The following AASDH variants were observed in gnomAD, a reference collection of about 807,000 sequenced individuals.
The protein encoded by AASDH is beta-alanine-activating enzyme.
A neutral mutation model predicts 102.3 loss-of-function variants in AASDH; 81 were observed. The observed-to-expected ratio is 0.79, with a 90% CI of 0.66 to 0.95. The LOEUF is 0.95. AASDH is among the 40% of genes least tolerant of loss of function. The pLI is 0.00. For missense variants in AASDH, 1,203 were observed against 1,266.2 expected (o/e 0.95, Z 0.76); for synonymous variants, 398 against 454.0 (o/e 0.88, Z 1.57).
At position 56,385,972 on chromosome 4, in the gene AASDH, C is replaced by T. The variant is rs578132403; in HGVS notation, c.-43+1390G>A. The stretch of plus-strand genomic sequence containing the variant: ...TATTCACACCTATTTGAATTGATTT[C>T]CTGACTCAAAATTTTCATTTATATC... On this transcript the variant is annotated intron_variant, in intron 1 of 14. Coordinates refer to ENST00000205214, the MANE Select transcript of AASDH (RefSeq NM_181806.4). 4.6e-5 allele frequency among the ~76,000 whole-genome samples: 7 copies of T among 151,054 alleles called. No homozygotes were observed. In the East Asian group the frequency reaches 1.4e-3, roughly 29 times the overall value.
At chr4:56,356,911 C>A (rs1227811357) in intron 5 of AASDH, 4 of 916,028 alleles carry the variant, frequency 4.4e-6, no homozygotes, top group African/African-American at 1.6e-5. Flanking sequence ...CGCTAAAGAA[C>A]CTGCCACTAA....
intron 14 of AASDH, among the ~76,000 whole-genome samples, chr4:56,340,043 C>T (rs1291443830): frequency 6.6e-6 from 1 of 152,070 alleles, no homozygotes; most frequent in Admixed American, 6.6e-5. Context: ...GTGGTACACA[C>T]CTGTAATCCT....
intron 4 of AASDH, 67 bp downstream of exon 4, chr4:56,378,081 C>T (rs967535347): frequency 3.4e-5 from 49 of 1,455,332 alleles, no homozygotes; most frequent in Non-Finnish European, 4.3e-5. Flanking sequence ...GCTGGGATTA[C>T]AGGCATAAGC....
At chr4:56,362,045 T>A (rs977744144) in intron 5 of AASDH, among the ~76,000 whole-genome samples, 4 of 152,148 alleles carry the variant, frequency 2.6e-5, no homozygotes, top group Non-Finnish European at 5.9e-5. Context: ...AAATAAAAAA[T>A]GTCCAAATAT....
chr4:56,368,334 A>G (rs1751272803), intron 5 of AASDH, among the ~76,000 whole-genome samples: 1 of 152,322 alleles, frequency 6.6e-6, no homozygotes, highest in East Asian at 1.9e-4. Flanking sequence ...ATCTAGAACT[A>G]GAAATTCCAT....
chr4:56,377,101 A>AAAATT (rs200218491), intron 4 of AASDH, among the ~76,000 whole-genome samples: 25,272 of 150,504 alleles, frequency 0.17, 2,531 homozygotes, highest in Admixed American at 0.3. Context: ...AAAATAAAAT[A>AAAATT]AAATTAACTT....
chr4:56,364,755 T>C (rs1750774474), intron 5 of AASDH, among the ~76,000 whole-genome samples: 1 of 152,212 alleles, frequency 6.6e-6, no homozygotes, highest in Non-Finnish European at 1.5e-5. Flanking sequence ...TACCAGCCAC[T>C]GCAAAATCAT....
At chr4:56,350,639 C>A (rs1748893346) in intron 10 of AASDH, among the ~76,000 whole-genome samples, 1 of 151,758 alleles carries the variant, frequency 6.6e-6, no homozygotes, top group Non-Finnish European at 1.5e-5. Context: ...AAAATTGGGA[C>A]AAAAACATCT....
At chr4:56,353,345 G>T in intron 9 of AASDH, 59 bp downstream of exon 9, 2 of 1,335,314 alleles carry the variant, frequency 1.5e-6, no homozygotes, top group South Asian at 1.5e-5. Flanking sequence ...CATTAAGCTA[G>T]TTATGAATAC....
intron 6 of AASDH, 78 bp from the exon 7 acceptor site, chr4:56,354,889 G>A (rs1355803030): frequency 4.2e-6 from 5 of 1,194,674 alleles, no homozygotes; most frequent in Non-Finnish European, 5.8e-6. Context: ...AAATCATACT[G>A]TACCAAATAA....
At chr4:56,376,840 G>T (rs1560612344) in intron 4 of AASDH, among the ~76,000 whole-genome samples, 1 of 151,906 alleles carries the variant, frequency 6.6e-6, no homozygotes, top group Non-Finnish European at 1.5e-5. Context: ...GGCCGAGGCG[G>T]GCGGATCACG....
At chr4:56,385,240 T>C (rs1753415181) in intron 1 of AASDH, among the ~76,000 whole-genome samples, 1 of 152,202 alleles carries the variant, frequency 6.6e-6, no homozygotes. Context: ...CAACTATATA[T>C]AAAAACAGTG....
intron 4 of AASDH, among the ~76,000 whole-genome samples, chr4:56,373,765 G>A (rs960003117): frequency 1.8e-4 from 27 of 152,050 alleles, no homozygotes; most frequent in Non-Finnish European, 2.5e-4. Flanking sequence ...CTTAAATTCT[G>A]AGAATATTTT....
chr4:56,374,293 G>A (rs1052110854), intron 4 of AASDH, among the ~76,000 whole-genome samples: 2 of 151,148 alleles, frequency 1.3e-5, no homozygotes, highest in African/African-American at 4.9e-5. Flanking sequence ...GCTTGAACCT[G>A]GGAGGCAGAA....
intron 5 of AASDH, among the ~76,000 whole-genome samples, chr4:56,370,500 T>G (rs1434976373): frequency 6.6e-6 from 1 of 152,228 alleles, no homozygotes; most frequent in Non-Finnish European, 1.5e-5. Context: ...GATTAGGTCA[T>G]GCAGGCAGAG....
At chr4:56,344,515 A>G (rs1748093448) in intron 12 of AASDH, among the ~76,000 whole-genome samples, 1 of 151,726 alleles carries the variant, frequency 6.6e-6, no homozygotes. Context: ...TTTGATCTTT[A>G]TTTTCATTAA....
chr4:56,384,687 AG>A (rs998146513), intron 1 of AASDH, among the ~76,000 whole-genome samples: 2 of 151,140 alleles, frequency 1.3e-5, no homozygotes, highest in African/African-American at 4.9e-5. Context: ...TCAAATTTAA[AG>A]GACCCCACAC....
intron 4 of AASDH, among the ~76,000 whole-genome samples, chr4:56,372,192 T>C (rs998790489): frequency 1.3e-5 from 2 of 152,216 alleles, no homozygotes; most frequent in Non-Finnish European, 1.5e-5. Flanking sequence ...GGGTCTGCAA[T>C]TAATCTCCCT....
chr4:56,356,574 G>A (rs1038243892), intron 5 of AASDH: 16 of 752,200 alleles, frequency 2.1e-5, no homozygotes, highest in Non-Finnish European at 3.1e-5. Flanking sequence ...CACCTTGGTG[G>A]AGAACAAAGA....
Sources: gnomAD v4.1 joint callset for allele counts (sites outside exome capture counted in the v4.1 genomes callset) on GRCh38, gnomAD v4.1.1 for gene constraint, MANE v1.5 for transcripts, NCBI Gene and HGNC (gene_info 2026-07-23, HGNC 2026-07-21) for gene names.